The following LSAMP variants were observed in gnomAD, a reference collection of about 807,000 sequenced individuals.
LSAMP encodes limbic system-associated membrane protein.
A neutral mutation model predicts 38.6 loss-of-function variants in LSAMP; 7 were observed. The ratio of observed to expected loss-of-function variants is 0.18; its 90% confidence interval spans 0.10 to 0.34. The LOEUF (loss-of-function observed/expected upper bound fraction) is 0.34. LSAMP is among the 10% of genes least tolerant of loss of function. LSAMP has a pLI of 1.00. For synonymous variants in LSAMP, 154 were observed against 166.8 expected, an observed-to-expected ratio of 0.92 and a Z score of 0.59; for missense variants, 313 against 420.0, an observed-to-expected ratio of 0.75 and a Z score of 2.23.
At chr3:116,231,704 A>G (rs774039587) in intron 1 of LSAMP, among the ~76,000 whole-genome samples, 1 of 152,162 alleles carries the variant, frequency 6.6e-6, no homozygotes. Flanking sequence ...TGTTAAAGAG[A>G]GGGGACACTG....
chr3:116,271,988 T>C (rs1207357932), intron 1 of LSAMP, among the ~76,000 whole-genome samples: 1 of 151,990 alleles, frequency 6.6e-6, no homozygotes, highest in Non-Finnish European at 1.5e-5. Flanking sequence ...AAACCCAGGA[T>C]GAAATAGAGA....
intron 1 of LSAMP, among the ~76,000 whole-genome samples, chr3:116,385,716 ATATC>A (rs888144149): frequency 1.3e-5 from 2 of 152,172 alleles, no homozygotes; most frequent in African/African-American, 4.8e-5. Context: ...TTATTTTTAA[ATATC>A]TATCTGTCTA....
intron 1 of LSAMP, among the ~76,000 whole-genome samples, chr3:116,162,991 A>G (rs1709935503): frequency 6.6e-6 from 1 of 152,058 alleles, no homozygotes; most frequent in Non-Finnish European, 1.5e-5. Flanking sequence ...TACTGTCCTC[A>G]CTAGGAACAC....
intron 1 of LSAMP, among the ~76,000 whole-genome samples, chr3:116,296,607 A>G (rs1019459261): frequency 4.7e-5 from 7 of 148,230 alleles, no homozygotes; most frequent in Non-Finnish European, 1.0e-4. Context: ...AGGCCAGAGA[A>G]TGGCGTTAAC....
At chr3:115,895,432 T>C (rs1410530855) in intron 3 of LSAMP, among the ~76,000 whole-genome samples, 1 of 152,090 alleles carries the variant, frequency 6.6e-6, no homozygotes, top group African/African-American at 2.4e-5. Context: ...AGAAACGCTG[T>C]TGGTTTCACA....
At chr3:116,083,481 A>G (rs560212907) in intron 2 of LSAMP, among the ~76,000 whole-genome samples, 74 of 152,342 alleles carry the variant, frequency 4.9e-4, no homozygotes, top group African/African-American at 1.8e-3. Flanking sequence ...AGCAAGAATG[A>G]AAACAGATTT....
At chr3:116,289,774 A>C (rs1241217229) in intron 1 of LSAMP, among the ~76,000 whole-genome samples, 5 of 152,188 alleles carry the variant, frequency 3.3e-5, no homozygotes, top group Non-Finnish European at 5.9e-5. Flanking sequence ...TTTAATTATC[A>C]AATTGGCCAT....
At chr3:115,916,681 C>T (rs1937258180) in intron 3 of LSAMP, among the ~76,000 whole-genome samples, 1 of 152,090 alleles carries the variant, frequency 6.6e-6, no homozygotes, top group Non-Finnish European at 1.5e-5. Context: ...AGTAAAGAAA[C>T]AGATGAATGT....
At chr3:116,111,168 G>A (rs1708604190) in intron 1 of LSAMP, among the ~76,000 whole-genome samples, 1 of 152,136 alleles carries the variant, frequency 6.6e-6, no homozygotes, top group Admixed American at 6.5e-5. Flanking sequence ...CAGGCCATCT[G>A]GGCATATACG....
At chr3:115,896,280 G>A (rs1232079711) in intron 3 of LSAMP, among the ~76,000 whole-genome samples, 7 of 152,096 alleles carry the variant, frequency 4.6e-5, no homozygotes. Context: ...CAGGGTTTAT[G>A]TGAACAAAGT....
chr3:116,429,162 T>G (rs2107868840), intron 1 of LSAMP, among the ~76,000 whole-genome samples: 1 of 152,346 alleles, frequency 6.6e-6, no homozygotes, highest in South Asian at 2.1e-4. Flanking sequence ...GATGAGGTAA[T>G]TAGCTAAGTA....
At chr3:115,864,291 G>A (rs1020505031) in intron 3 of LSAMP, among the ~76,000 whole-genome samples, 1 of 152,110 alleles carries the variant, frequency 6.6e-6, no homozygotes, top group Non-Finnish European at 1.5e-5. Context: ...CTTGTTACTG[G>A]CAGTCAGATT....
At chr3:116,272,650 T>TAAAG (rs2046989474) in intron 1 of LSAMP, among the ~76,000 whole-genome samples, 1 of 152,164 alleles carries the variant, frequency 6.6e-6, no homozygotes, top group Admixed American at 6.6e-5. Context: ...TGTTTTTATT[T>TAAAG]AAAGACAGTA....
At chr3:116,419,191 C>T (rs900606650) in intron 1 of LSAMP, among the ~76,000 whole-genome samples, 64 of 152,282 alleles carry the variant, frequency 4.2e-4, no homozygotes, top group African/African-American at 1.5e-3. Context: ...ATAAATGAAA[C>T]AATACTGCCT....
At chr3:116,209,445 A>G (rs2046122568) in intron 1 of LSAMP, among the ~76,000 whole-genome samples, 1 of 152,130 alleles carries the variant, frequency 6.6e-6, no homozygotes, top group Non-Finnish European at 1.5e-5. Context: ...ATATTTTTAG[A>G]AGTTTGTGAG....
chr3:116,350,015 G>A (rs1647739781), intron 1 of LSAMP, among the ~76,000 whole-genome samples: 1 of 152,026 alleles, frequency 6.6e-6, no homozygotes, highest in African/African-American at 2.4e-5. Flanking sequence ...CTACATGTTG[G>A]GGATGTAAAG....
chr3:116,347,385 A>C (rs1559836496), intron 1 of LSAMP, among the ~76,000 whole-genome samples: 2 of 152,138 alleles, frequency 1.3e-5, no homozygotes, highest in Non-Finnish European at 2.9e-5. Context: ...CCAGACTTAC[A>C]GGCAAATTAA....
chr3:116,265,166 T>C (rs1244182178), intron 1 of LSAMP, among the ~76,000 whole-genome samples: 1 of 152,252 alleles, frequency 6.6e-6, no homozygotes, highest in Non-Finnish European at 1.5e-5. Context: ...AGACCTAATA[T>C]ATTCTTCTTA....
intron 1 of LSAMP, among the ~76,000 whole-genome samples, chr3:116,312,945 TA>T (rs143107334): frequency 0.068 from 10,312 of 152,244 alleles, 604 homozygotes; most frequent in South Asian, 0.24. Flanking sequence ...ACAAAATTTT[TA>T]TCTAAAATGT....
Sources: allele counts gnomAD v4.1 joint callset (sites outside exome capture counted in the v4.1 genomes callset), GRCh38; gene constraint gnomAD v4.1.1; transcripts MANE v1.5; gene names NCBI Gene and HGNC (gene_info 2026-07-23, HGNC 2026-07-21).